The following RASGRP1 variants were observed in gnomAD, a reference collection of about 807,000 sequenced individuals.
RASGRP1 encodes RAS guanyl-releasing protein 1.
A neutral mutation model predicts 95.1 loss-of-function variants in RASGRP1; 37 were observed. That is an observed-to-expected ratio of 0.39 (90% CI 0.30 to 0.51). RASGRP1 has a LOEUF of 0.51. Ranked by LOEUF, RASGRP1 falls within the 20% of genes least tolerant of loss-of-function variation. The probability of loss-of-function intolerance (pLI) is 0.80; values close to 1 mark genes in which losing one functional copy is unlikely to be tolerated. For synonymous variants in RASGRP1, 325 were observed against 353.4 expected (o/e 0.92, Z 0.90); for missense variants, 711 against 965.4 (o/e 0.74, Z 3.49).
intron 5 of RASGRP1, among the ~76,000 whole-genome samples, chr15:38,517,556 C>T (rs1243341017): frequency 2.6e-5 from 4 of 152,154 alleles, no homozygotes; most frequent in Non-Finnish European, 4.4e-5. Flanking sequence ...ACTAGCTTAA[C>T]TAGCTGGACC....
At chr15:38,491,770 T>G (rs1172665409) in intron 16 of RASGRP1, among the ~76,000 whole-genome samples, 1 of 152,186 alleles carries the variant, frequency 6.6e-6, no homozygotes, top group Non-Finnish European at 1.5e-5. Flanking sequence ...ATTCTGGACC[T>G]TAGGTCTATC....
rs778034961 is a variant in RASGRP1 at position 38,530,068 on chromosome 15, T to A, written c.221-3664A>T. ...TATTTCTTGCCACAAAAATTCTGCA[T>A]AACCAACCACCCCAAAACTCAGTGC... On this transcript the variant is annotated intron_variant, in intron 2 of 16. Transcript: ENST00000310803. 5.2e-4 allele frequency among the ~76,000 whole-genome samples: 79 copies of A among 152,228 alleles called. 1 individual carries two copies. Among genetic ancestry groups the A allele is most frequent in the Non-Finnish European group, 3.2e-4 (22 of 68,042 alleles).
chr15:38,500,254 A>C, intron 13 of RASGRP1, 115 bp from the exon 14 acceptor site: 1 of 997,720 alleles, frequency 1.0e-6, no homozygotes, highest in South Asian at 1.4e-5. Context: ...TGGGAAGGAA[A>C]CCTCATTTAT....
intron 7 of RASGRP1, among the ~76,000 whole-genome samples, chr15:38,512,181 A>T (rs953732024): frequency 1.3e-5 from 2 of 152,214 alleles, no homozygotes; most frequent in South Asian, 4.1e-4. Flanking sequence ...GATATTATTA[A>T]GTGTAATCTT....
intron 15 of RASGRP1, among the ~76,000 whole-genome samples, chr15:38,496,563 A>G (rs1033036836): frequency 2.0e-5 from 3 of 152,220 alleles, no homozygotes; most frequent in African/African-American, 7.2e-5. Flanking sequence ...CATGAATGAA[A>G]TACAGGGTAC....
Position 38,502,327 on chromosome 15 carries a change from A to G in RASGRP1, c.1523T>C (p.Val508Ala). ...IAASFPFSFC[V>A]MDKDREGLIS... is the part of the protein sequence containing the mutation. ...AAACCCTCACCTGTCTTTGTCCATC[A>G]CACAGAAGGAAAATGGAAAACTCGC... Residue 508 changes from valine (V) to alanine (A), a missense_variant, in exon 12 of 17, where the codon GTG becomes GCG. Transcript: ENST00000310803. 6.3e-7 allele frequency: 1 copy of G among 1,585,862 alleles called. No homozygotes were observed. Among genetic ancestry groups the G allele is most frequent in the East Asian group, 2.2e-5 (1 of 44,752 alleles).
intron 2 of RASGRP1, among the ~76,000 whole-genome samples, chr15:38,529,928 T>A (rs1459069954): frequency 6.6e-6 from 1 of 152,262 alleles, no homozygotes; most frequent in African/African-American, 2.4e-5. Context: ...AAAGTGTTCA[T>A]CTAGCTTGGT....
At chr15:38,540,901 T>C (rs1194375166) in intron 2 of RASGRP1, among the ~76,000 whole-genome samples, 2 of 152,228 alleles carry the variant, frequency 1.3e-5, no homozygotes, top group Non-Finnish European at 2.9e-5. Context: ...GGGCCATCCT[T>C]GAAGGAGCTG....
In RASGRP1 at chr15:38,490,552, G is replaced by A. The variant is rs539004877; in HGVS notation, c.*2C>T. ...TACAGATTGTGCTACTTAGTTTCTG[G>A]GCTAAGAACAGTCACCCTGCTCCAT... On this transcript the variant is annotated 3_prime_UTR_variant, in exon 17 of 17. Transcript: ENST00000310803. The A allele has an allele frequency of 6.2e-7, 1 of 1,601,754 alleles. No homozygotes were observed. Among genetic ancestry groups the A allele is most frequent in the African/African-American group, 1.3e-5 (1 of 74,368 alleles).
intron 16 of RASGRP1, among the ~76,000 whole-genome samples, chr15:38,491,820 G>A (rs991428029): frequency 2.0e-5 from 3 of 152,124 alleles, no homozygotes; most frequent in African/African-American, 7.2e-5. Flanking sequence ...TGGTCAAAAT[G>A]GTGAGAGGGT....
rs1890948510 is a variant in RASGRP1, at chr15:38,499,970, C to T, written c.1720+133G>A. On this transcript the variant is annotated intron_variant, in intron 14 of 16. Transcript: ENST00000310803. Reference sequence around the variant, plus strand: ...GCCATGATTGTGAGTTTCCTTAGGCCTCACCAGCCCTGTGGAACTGTGAGT... The same window carrying T: ...GCCATGATTGTGAGTTTCCTTAGGCTTCACCAGCCCTGTGGAACTGTGAGT... 4.9e-6 allele frequency: 4 copies of T among 818,652 alleles called. No homozygotes were observed. The South Asian group carries it at 7.2e-5, about 15-fold the overall frequency. The allele number at this position is 818,652 out of a possible 1,614,324, so 50.7% of individuals were successfully genotyped here.
intron 3 of RASGRP1, chr15:38,524,441 A>G (rs985438107): frequency 2.0e-5 from 3 of 152,564 alleles, no homozygotes; most frequent in Admixed American, 6.6e-5. Flanking sequence ...GCCCAACCCA[A>G]GAGGTAGGAA....
rs1337327263 is a variant in RASGRP1 at position 38,489,417 on chromosome 15, A to T, written c.*1137T>A. The T allele has an allele frequency of 1.3e-5, 2 of 152,260 alleles. No individual in the cohort carries two copies. The highest frequency in any genetic ancestry group is 6.6e-5 in the Admixed American group (1 of 15,266). 9.4% of individuals were successfully genotyped at this position (152,260 alleles called of 1,614,324 possible). On this transcript the variant is annotated 3_prime_UTR_variant, in exon 17 of 17. Coordinates refer to ENST00000310803, the MANE Select transcript of RASGRP1 (RefSeq NM_005739.4). The stretch of plus-strand genomic sequence containing the variant: ...ACAATTTTACCTTGTGAGCAATTTA[A>T]TCTTGTGACAAACTGAACTTTATAT...
intron 6 of RASGRP1, among the ~76,000 whole-genome samples, chr15:38,515,910 A>AGAGTGTGTGTGTGTGT (rs779224083): frequency 7.0e-6 from 1 of 143,462 alleles, no homozygotes; most frequent in Non-Finnish European, 1.5e-5. Flanking sequence ...AGAGAGAGAG[A>AGAGTGTGTGTGTGTGT]GTGTGTGTGT....
intron 8 of RASGRP1, 134 bp from the exon 9 acceptor site, chr15:38,508,135 G>A: frequency 3.1e-6 from 3 of 966,974 alleles, no homozygotes; most frequent in Non-Finnish European, 4.5e-6. Flanking sequence ...GGTAATTCAT[G>A]TAAAAGGTAC....
intron 2 of RASGRP1, among the ~76,000 whole-genome samples, chr15:38,528,905 A>C (rs1391075698): frequency 6.6e-6 from 1 of 151,404 alleles, no homozygotes; most frequent in African/African-American, 2.4e-5. Flanking sequence ...TTCAAACAAA[A>C]CTCCTGATCT....
intron 8 of RASGRP1, among the ~76,000 whole-genome samples, chr15:38,511,119 T>C (rs1329871327): frequency 1.3e-5 from 2 of 152,210 alleles, no homozygotes; most frequent in African/African-American, 4.8e-5. Flanking sequence ...AGAACTCATA[T>C]CCAATTATCT....
intron 2 of RASGRP1, among the ~76,000 whole-genome samples, chr15:38,556,792 T>C (rs1893574431): frequency 2.0e-5 from 3 of 152,162 alleles, no homozygotes; most frequent in African/African-American, 7.2e-5. Context: ...TCAAACCTCC[T>C]GAAAGCAAGA....
chr15:38,546,926 G>A (rs1313007066), intron 2 of RASGRP1, among the ~76,000 whole-genome samples: 1 of 152,090 alleles, frequency 6.6e-6, no homozygotes, highest in Non-Finnish European at 1.5e-5. Flanking sequence ...GAGACTTTAC[G>A]TTTTATTGAA....
Sources: gnomAD v4.1 joint callset for allele counts (sites outside exome capture counted in the v4.1 genomes callset) on GRCh38, gnomAD v4.1.1 for gene constraint, MANE v1.5 for transcripts, NCBI Gene and HGNC (gene_info 2026-07-23, HGNC 2026-07-21) for gene names.